RBFOX1: variants seen among roughly 807,000 people sequenced by gnomAD.
RBFOX1 encodes the protein RNA binding protein fox-1 homolog 1.
RBFOX1 carries 8 observed loss-of-function variants against 57.7 expected under a neutral mutation model. That is an observed-to-expected ratio of 0.14 (90% CI 0.08 to 0.25). RBFOX1 has a LOEUF of 0.25. Among genes scored for constraint, RBFOX1 ranks in the 10% least tolerant of loss-of-function variants. The pLI is 1.00. For missense variants in RBFOX1, 611 were observed against 548.5 expected, an observed-to-expected ratio of 1.11 and a Z score of -1.14; for synonymous variants, 326 against 222.4, an observed-to-expected ratio of 1.47 and a Z score of -4.15.
chr16:6,116,850 G>GAGAGGCTGGTGGCTGTAC (rs1241014721), intron 1 of RBFOX1, among the ~76,000 whole-genome samples: 2 of 152,076 alleles, frequency 1.3e-5, no homozygotes, highest in Non-Finnish European at 2.9e-5. Flanking sequence ...CAGAGGGAGA[G>GAGAGGCTGGTGGCTGTAC]AGAGGCTGGT....
intron 15 of RBFOX1, chr16:7,710,002 G>T: frequency 2.0e-6 from 2 of 1,008,086 alleles, no homozygotes; most frequent in Non-Finnish European, 2.4e-6. Flanking sequence ...AAATCGTTAA[G>T]TGCCACCTTG....
At chr16:6,837,110 A>C (rs772200654) in intron 3 of RBFOX1, among the ~76,000 whole-genome samples, 1 of 152,228 alleles carries the variant, frequency 6.6e-6, no homozygotes, top group Non-Finnish European at 1.5e-5. Context: ...CAGTACTGAG[A>C]GTTCCCTTGT....
intron 1 of RBFOX1, among the ~76,000 whole-genome samples, chr16:6,127,240 C>A (rs1042977087): frequency 1.7e-4 from 25 of 151,078 alleles, no homozygotes; most frequent in Non-Finnish European, 3.2e-4. Flanking sequence ...AACAGCAGAA[C>A]AAACCTATTC....
At chr16:6,127,299 T>A (rs184005697) in intron 1 of RBFOX1, among the ~76,000 whole-genome samples, 2,314 of 150,772 alleles carry the variant, frequency 0.015, 67 homozygotes, top group African/African-American at 0.053. Flanking sequence ...AAAAAAAAAA[T>A]TGTTTTCCAG....
chr16:6,907,933 T>C (rs2070487477), intron 3 of RBFOX1, among the ~76,000 whole-genome samples: 1 of 151,578 alleles, frequency 6.6e-6, no homozygotes, highest in South Asian at 2.1e-4. Context: ...GTCACCTGAA[T>C]CTCCACCTGC....
chr16:6,959,108 G>A (rs1008869176), intron 3 of RBFOX1, among the ~76,000 whole-genome samples: 2 of 151,536 alleles, frequency 1.3e-5, no homozygotes, highest in African/African-American at 4.9e-5. Flanking sequence ...TTTTTCTATC[G>A]GCTTTGTCTT....
intron 4 of RBFOX1, among the ~76,000 whole-genome samples, chr16:5,954,443 C>T (rs150392614): frequency 5.1e-4 from 78 of 152,250 alleles, no homozygotes; most frequent in South Asian, 1.0e-3. Context: ...AAAATGATCT[C>T]GGTGAAGGTA....
chr16:6,709,836 G>A (rs903218048), intron 3 of RBFOX1, among the ~76,000 whole-genome samples: 1 of 152,100 alleles, frequency 6.6e-6, no homozygotes, highest in South Asian at 2.1e-4. Flanking sequence ...TCAGAACGCT[G>A]GCTGGTACAC....
At chr16:7,043,948 C>G (rs1336034146) in intron 3 of RBFOX1, among the ~76,000 whole-genome samples, 3 of 152,138 alleles carry the variant, frequency 2.0e-5, no homozygotes, top group Non-Finnish European at 2.9e-5. Flanking sequence ...ACAAAATACA[C>G]TAATACCTTT....
At chr16:6,793,291 T>G (rs2083322062) in intron 3 of RBFOX1, among the ~76,000 whole-genome samples, 1 of 152,188 alleles carries the variant, frequency 6.6e-6, no homozygotes, top group South Asian at 2.1e-4. Flanking sequence ...GGCTTAGATT[T>G]TACATAAAAT....
At chr16:7,322,358 C>T (rs2096556721) in intron 4 of RBFOX1, among the ~76,000 whole-genome samples, 1 of 152,250 alleles carries the variant, frequency 6.6e-6, no homozygotes. Flanking sequence ...TGCTGACTGG[C>T]AGGTTCATAG....
intron 1 of RBFOX1, among the ~76,000 whole-genome samples, chr16:6,190,514 G>C (rs1325322792): frequency 1.3e-5 from 2 of 152,140 alleles, no homozygotes; most frequent in African/African-American, 4.8e-5. Context: ...GATAATAAAA[G>C]GACTTACTCC....
chr16:7,403,092 C>T (rs901802098), intron 4 of RBFOX1, among the ~76,000 whole-genome samples: 5 of 152,144 alleles, frequency 3.3e-5, no homozygotes, highest in African/African-American at 1.2e-4. Flanking sequence ...TTTCCCCCGG[C>T]TCTATGGGGG....
At chr16:6,624,091 C>T (rs975491137) in intron 2 of RBFOX1, among the ~76,000 whole-genome samples, 3 of 152,018 alleles carry the variant, frequency 2.0e-5, no homozygotes, top group East Asian at 1.9e-4. Context: ...TTCACAACTA[C>T]GTACCACAGA....
At chr16:6,358,566 A>T (rs2087810917) in intron 2 of RBFOX1, among the ~76,000 whole-genome samples, 1 of 152,214 alleles carries the variant, frequency 6.6e-6, no homozygotes, top group Non-Finnish European at 1.5e-5. Context: ...TCATTTATTG[A>T]GCAATTACTA....
intron 3 of RBFOX1, among the ~76,000 whole-genome samples, chr16:6,968,702 T>A (rs116017270): frequency 6.6e-6 from 1 of 152,140 alleles, no homozygotes; most frequent in African/African-American, 2.4e-5. Context: ...GTACACATAC[T>A]AACTCCTGTT....
intron 1 of RBFOX1, among the ~76,000 whole-genome samples, chr16:6,282,539 C>A (rs1334894889): frequency 6.6e-6 from 1 of 151,872 alleles, no homozygotes; most frequent in Non-Finnish European, 1.5e-5. Context: ...CCGCCCATTG[C>A]CCACCACCCC....
At position 6,379,464 on chromosome 16, in the gene RBFOX1, G is replaced by T. The variant is rs148521532; in HGVS notation, c.-64+62407G>T. ...AGTGAACTATATCGTCACCCTACCC[G>T]CATGAGAAGGTTGGGGAAATTCAGA... On this transcript the variant is annotated intron_variant, in intron 2 of 15. Coordinates refer to ENST00000550418, the MANE Select transcript of RBFOX1 (RefSeq NM_018723.4). 5.3e-5 allele frequency among the ~76,000 whole-genome samples: 8 copies of T among 151,930 alleles called. No individual in the cohort carries two copies. The East Asian group carries it at 1.6e-3, about 30-fold the overall frequency.
intron 4 of RBFOX1, among the ~76,000 whole-genome samples, chr16:5,878,833 C>T (rs1330112380): frequency 6.6e-6 from 1 of 152,180 alleles, no homozygotes; most frequent in Non-Finnish European, 1.5e-5. Flanking sequence ...GTAATCCATG[C>T]AGCCATTTAA....
Sources: allele counts gnomAD v4.1 joint callset (sites outside exome capture counted in the v4.1 genomes callset), GRCh38; gene constraint gnomAD v4.1.1; transcripts MANE v1.5; gene names NCBI Gene and HGNC (gene_info 2026-07-23, HGNC 2026-07-21).